PKD1L1: variants seen among roughly 807,000 people sequenced by gnomAD.
PKD1L1 encodes polycystin-1-like protein 1.
In PKD1L1, 236 loss-of-function variants were observed where a neutral mutation model predicts 323.4. The observed-to-expected ratio is 0.73, with a 90% CI of 0.66 to 0.81. PKD1L1 has a LOEUF of 0.81. Ranked by LOEUF, PKD1L1 falls within the 40% of genes least tolerant of loss-of-function variation. PKD1L1 has a pLI of 0.00. For synonymous variants in PKD1L1, 1,344 were observed against 1,335.0 expected, an observed-to-expected ratio of 1.01 and a Z score of -0.15; for missense variants, 3,320 against 3,508.0, an observed-to-expected ratio of 0.95 and a Z score of 1.35.
At chr7:47,868,595 G>A (rs763940023) in intron 24 of PKD1L1, among the ~76,000 whole-genome samples, 1 of 151,420 alleles carries the variant, frequency 6.6e-6, no homozygotes, top group Non-Finnish European at 1.5e-5. Context: ...CAGAAAACTG[G>A]CCAGGCGTGG....
At chr7:47,844,938 A>T (rs1583615304) in intron 33 of PKD1L1, 57 bp downstream of exon 33, 1 of 1,447,354 alleles carries the variant, frequency 6.9e-7, no homozygotes, top group East Asian at 2.3e-5. Flanking sequence ...GGGCATCCTG[A>T]GTGAACAGTA....
At chr7:47,930,432 G>A (rs1787744563) in intron 6 of PKD1L1, among the ~76,000 whole-genome samples, 1 of 152,022 alleles carries the variant, frequency 6.6e-6, no homozygotes, top group African/African-American at 2.4e-5. Context: ...ATAAACTCAG[G>A]AGGCAGAGCT....
chr7:47,857,856 G>A (rs1416545220), intron 27 of PKD1L1, 24 bp from the exon 28 acceptor site: 1 of 1,601,964 alleles, frequency 6.2e-7, no homozygotes, highest in Non-Finnish European at 8.5e-7. Flanking sequence ...CATAGGGAGT[G>A]GGATGTTTAT....
chr7:47,866,656 G>A lies in PKD1L1; in HGVS notation c.3897-42C>T, dbSNP rs780361223. ...AGTTATCATTACTGTTCCAACACAC[G>A]GCAAAACTTTTCACCCTGACTACCA... On this transcript the variant is annotated intron_variant, in intron 24 of 56. Transcript: ENST00000289672. 1.1e-5 allele frequency: 17 copies of A among 1,514,012 alleles called. No homozygotes were observed. In the South Asian group the frequency reaches 1.1e-4, roughly 10 times the overall value. 93.8% of individuals were successfully genotyped at this position (1,514,012 alleles called of 1,614,324 possible).
chr7:47,855,058 CAAGTT>C lies in PKD1L1; in HGVS notation c.4702-24_4702-20del, dbSNP rs1200538535. Reference sequence around the variant, plus strand: ...TATTATCCTGTCATCACAAAGAAAACAAGTTAAGCAAAATTTGCCTTTGGTAAAAT... The same window carrying C: ...TATTATCCTGTCATCACAAAGAAAACAAGCAAAATTTGCCTTTGGTAAAAT... On this transcript the variant is annotated intron_variant, in intron 29 of 56. Coordinates refer to ENST00000289672, the MANE Select transcript of PKD1L1 (RefSeq NM_138295.5). 1 of 1,608,008 alleles carries C rather than the reference CAAGTT, an allele frequency of 6.2e-7. No homozygotes were observed. The highest frequency in any genetic ancestry group is 8.5e-7 in the Non-Finnish European group (1 of 1,177,016).
In PKD1L1 at chr7:47,885,813, T is replaced by G. The variant is rs1459645778; in HGVS notation, c.3078A>C (p.Ala1026=). 6.2e-7 allele frequency: 1 copy of G among 1,614,196 alleles called. No individual in the cohort carries two copies. Among genetic ancestry groups the G allele is most frequent in the Non-Finnish European group, 8.5e-7 (1 of 1,180,038 alleles). The stretch of plus-strand genomic sequence containing the variant: ...CTTCCTCTGGAGCCTCCCCCAGGAC[T>G]GCAGAGTCCCCCGCAGGAGGAATCC... ...VYWIPPAGDS[A]VLGEAPEEGS... The change falls in exon 18 of 57, where the codon GCA becomes GCC. Residue 1026 remains alanine (A), a synonymous_variant. Transcript: ENST00000289672.
intron 26 of PKD1L1, among the ~76,000 whole-genome samples, chr7:47,863,308 G>A (rs1786073066): frequency 6.6e-6 from 1 of 152,140 alleles, no homozygotes. Flanking sequence ...GTGTGGAAAT[G>A]AGAGCGTGTA....
intron 24 of PKD1L1, among the ~76,000 whole-genome samples, chr7:47,867,776 G>A (rs1274448395): frequency 1.3e-5 from 2 of 152,100 alleles, no homozygotes; most frequent in Non-Finnish European, 1.5e-5. Context: ...AAATTTATAA[G>A]TTACAGAGAG....
At position 47,898,047 on chromosome 7, in the gene PKD1L1, G is replaced by C. The variant is rs757980049; in HGVS notation, c.2212C>G (p.Gln738Glu). 19 of 1,613,562 alleles carry C rather than the reference G, an allele frequency of 1.2e-5. No homozygotes were observed. Among genetic ancestry groups the C allele is most frequent in the Middle Eastern group, 1.7e-4 (1 of 5,772 alleles). Residue 738 changes from glutamine (Q) to glutamate (E), a missense_variant, in exon 14 of 57, where the codon CAG (glutamine) becomes GAG (glutamate). Gln to Glu is a conservative substitution (Grantham distance 29). Coordinates refer to ENST00000289672, the MANE Select transcript of PKD1L1 (RefSeq NM_138295.5). ...GTGTGGCTCGGGAGGATGAGGGTCT[G>C]TCTGTGAGTGTCCACAGCAGCAGGG... The part of the protein sequence containing the change: ...SLPAAVDTHR[Q>E]TLILPSHTLE...
chr7:47,929,231 C>A lies in PKD1L1; in HGVS notation c.1033G>T (p.Val345Leu). 6.2e-7 allele frequency: 1 copy of A among 1,614,118 alleles called. No individual in the cohort carries two copies. ...TTTGAGTACTGGTGGTAGGCAGTCA[C>A]CGCCATTGCCTCAGACATGTTGTGT... ...RLHNMSEAMA[V>L]TAYHQYSKGI... Residue 345 changes from valine (V) to leucine (L), a missense_variant, in exon 7 of 57, where the codon GTG becomes TTG. Physicochemically the swap from Val to Leu is conservative, Grantham distance 32. Transcript: ENST00000289672.
chr7:47,848,177 T>C (rs1322689798), intron 31 of PKD1L1, among the ~76,000 whole-genome samples: 1 of 152,136 alleles, frequency 6.6e-6, no homozygotes, highest in East Asian at 1.9e-4. Context: ...CAAAACCACA[T>C]AGGCATTTAC....
At position 47,866,524 on chromosome 7, in the gene PKD1L1, G is replaced by A. The variant is rs1786173767; in HGVS notation, c.3987C>T (p.Ile1329=). Residue 1329 remains isoleucine (I), a synonymous_variant, in exon 25 of 57, where the codon ATC becomes ATT. Coordinates refer to ENST00000289672, the MANE Select transcript of PKD1L1 (RefSeq NM_138295.5). ...TGTCCTCCTTAGACAAACGACTCAGGATTCTGGTGATCACAGTGATGTAGT... is the reference window on the plus strand; with the variant it reads ...TGTCCTCCTTAGACAAACGACTCAGAATTCTGGTGATCACAGTGATGTAGT... ...IRNYITVITR[I]LSRLSKEDKT... 6.2e-7 allele frequency: 1 copy of A among 1,613,922 alleles called. No homozygotes were observed. The highest frequency in any genetic ancestry group is 8.5e-7 in the Non-Finnish European group (1 of 1,179,964).
chr7:47,928,929 A>C (rs1296034561), intron 7 of PKD1L1, among the ~76,000 whole-genome samples: 6 of 152,182 alleles, frequency 3.9e-5, no homozygotes, highest in Non-Finnish European at 5.9e-5. Flanking sequence ...TTGGGACCTC[A>C]GGGCAAGTCC....
chr7:47,795,189 A>G lies in PKD1L1; in HGVS notation c.8355+800T>C, dbSNP rs116127643. Reference sequence around the variant, plus strand: ...AATGATATTGTTTGGCTGTGTCCCTATTCAAATCTCAACTAGAATTATATC... The same window carrying G: ...AATGATATTGTTTGGCTGTGTCCCTGTTCAAATCTCAACTAGAATTATATC... On this transcript the variant is annotated intron_variant, in intron 55 of 56. Transcript: ENST00000289672. 268 of 336,892 alleles carry G rather than the reference A, an allele frequency of 8.0e-4. 4 individuals carry two copies. Among genetic ancestry groups the G allele is most frequent in the African/African-American group, 5.5e-3 (251 of 45,440 alleles). 20.9% of individuals were successfully genotyped at this position (336,892 alleles called of 1,614,324 possible). A position where few individuals can be genotyped will look rare whatever the true frequency, so the allele number is the denominator to read the frequency against.
chr7:47,933,498 T>C (rs947430394), intron 4 of PKD1L1, among the ~76,000 whole-genome samples: 1 of 152,156 alleles, frequency 6.6e-6, no homozygotes, highest in African/African-American at 2.4e-5. Context: ...TTTCTTTCTT[T>C]AGGTCAACAA....
chr7:47,858,409 C>T (rs1182692286), intron 27 of PKD1L1, among the ~76,000 whole-genome samples: 2 of 151,968 alleles, frequency 1.3e-5, no homozygotes, highest in Non-Finnish European at 2.9e-5. Flanking sequence ...AGTCAAACAT[C>T]CCAAATATCC....
At chr7:47,788,951 A>T (rs1438959836) in intron 56 of PKD1L1, among the ~76,000 whole-genome samples, 1 of 152,086 alleles carries the variant, frequency 6.6e-6, no homozygotes, top group East Asian at 1.9e-4. Context: ...TACTCATATG[A>T]TCATGGGATA....
At chr7:47,812,608 G>A (rs1304823541) in intron 49 of PKD1L1, among the ~76,000 whole-genome samples, 4 of 152,190 alleles carry the variant, frequency 2.6e-5, no homozygotes, top group Non-Finnish European at 5.9e-5. Flanking sequence ...CCAGTGTGAG[G>A]TGCATGCTGC....
intron 8 of PKD1L1, among the ~76,000 whole-genome samples, chr7:47,913,143 T>C (rs1188707545): frequency 2.0e-5 from 3 of 152,042 alleles, no homozygotes; most frequent in Non-Finnish European, 4.4e-5. Flanking sequence ...GAAAAGAACA[T>C]GTGTCCAAGG....
Sources: allele counts gnomAD v4.1 joint callset (sites outside exome capture counted in the v4.1 genomes callset), GRCh38; gene constraint gnomAD v4.1.1; transcripts MANE v1.5; gene names NCBI Gene and HGNC (gene_info 2026-07-23, HGNC 2026-07-21).